The following SPMIP6 variants were observed in gnomAD, a reference collection of about 807,000 sequenced individuals.
SPMIP6 encodes ciliated bronchial epithelial protein 1.
the SPMIP6 span, chr9:34,389,870 G>A: frequency 6.6e-6 from 1 of 150,996 alleles, no homozygotes; most frequent in African/African-American, 2.4e-5. Flanking sequence ...AAATATTTGT[G>A]TTAAGAAATG....
At chr9:34,383,383 C>A in the SPMIP6 span, among the ~76,000 whole-genome samples, 1 of 152,152 alleles carries the variant, frequency 6.6e-6, no homozygotes, top group Non-Finnish European at 1.5e-5. Context: ...ATTAGTTGGG[C>A]ATGGTTGGTG....
the SPMIP6 span, among the ~76,000 whole-genome samples, chr9:34,382,233 G>T: frequency 6.6e-6 from 1 of 152,186 alleles, no homozygotes; most frequent in Non-Finnish European, 1.5e-5. Flanking sequence ...AATCCCCAGA[G>T]ATTGAGAGCC....
At chr9:34,381,663 G>A in the SPMIP6 span, 12 of 1,415,458 alleles carry the variant, frequency 8.5e-6, no homozygotes, top group Non-Finnish European at 1.0e-5. This position sits in a 1 kb window ranked among gnomAD's most constrained non-coding sequence, Gnocchi z 4.4. Flanking sequence ...GAAGGTGGAT[G>A]GGGTTTGGCT....
At chr9:34,384,090 A>T in the SPMIP6 span, among the ~76,000 whole-genome samples, 1 of 152,230 alleles carries the variant, frequency 6.6e-6, no homozygotes, top group African/African-American at 2.4e-5. Flanking sequence ...GCCCTAGCGA[A>T]GAGCAGCTGT....
At chr9:34,381,126 C>A in the SPMIP6 span, 2 of 1,586,936 alleles carry the variant, frequency 1.3e-6, no homozygotes, top group Non-Finnish European at 1.7e-6. The surrounding 1 kb of genome is among the most constrained non-coding windows in gnomAD (Gnocchi z 4.4). Flanking sequence ...ACCATCACTT[C>A]GCGCTCTGCT....
the SPMIP6 span, among the ~76,000 whole-genome samples, chr9:34,385,412 G>C: frequency 3.4e-4 from 52 of 151,884 alleles, no homozygotes; most frequent in Admixed American, 1.5e-3. Flanking sequence ...CATGCCTGTA[G>C]TCCCAGCTAC....
the SPMIP6 span, chr9:34,380,629 A>G: frequency 1.3e-6 from 2 of 1,512,516 alleles, no homozygotes; most frequent in East Asian, 2.5e-5. Flanking sequence ...CAGAGCATAT[A>G]GAGAGGCCAG....
the SPMIP6 span, among the ~76,000 whole-genome samples, chr9:34,380,171 G>A: frequency 6.6e-6 from 1 of 152,098 alleles, no homozygotes; most frequent in South Asian, 2.1e-4. Flanking sequence ...GAGAGGGGCG[G>A]GGGATCACTA....
the SPMIP6 span, chr9:34,380,606 C>T: frequency 2.1e-6 from 3 of 1,459,386 alleles, no homozygotes; most frequent in South Asian, 4.2e-5. Context: ...CAAAAACCCT[C>T]TGACGGGACC....
chr9:34,379,020 T>G, the SPMIP6 span: 1 of 1,038,138 alleles, frequency 9.6e-7, no homozygotes, highest in Non-Finnish European at 1.5e-6. This position sits in a 1 kb window ranked among gnomAD's most constrained non-coding sequence, Gnocchi z 4.2. Flanking sequence ...GAGGCAGGCT[T>G]TGGGGTTGAA....
the SPMIP6 span, among the ~76,000 whole-genome samples, chr9:34,388,427 C>G: frequency 2.6e-5 from 4 of 152,028 alleles, no homozygotes; most frequent in South Asian, 2.1e-4. Flanking sequence ...ACTGGGATTA[C>G]AGGCGTGAGC....
the SPMIP6 span, among the ~76,000 whole-genome samples, chr9:34,396,041 G>A: frequency 6.6e-6 from 1 of 152,026 alleles, no homozygotes; most frequent in Non-Finnish European, 1.5e-5. Flanking sequence ...GGGAATAATT[G>A]GAAATGTGTA....
chr9:34,386,583 G>A, the SPMIP6 span, among the ~76,000 whole-genome samples: 2 of 96,094 alleles, frequency 2.1e-5, no homozygotes, highest in Non-Finnish European at 4.3e-5. Flanking sequence ...GCAAGACTTC[G>A]TCTCAAAAAA....
At chr9:34,380,518 G>T in the SPMIP6 span, among the ~76,000 whole-genome samples, 1 of 152,176 alleles carries the variant, frequency 6.6e-6, no homozygotes, top group Non-Finnish European at 1.5e-5. Context: ...TGCGTCTCTA[G>T]GGCCAGGAGT....
chr9:34,393,663 A>G, the SPMIP6 span, among the ~76,000 whole-genome samples: 1 of 152,030 alleles, frequency 6.6e-6, no homozygotes, highest in South Asian at 2.1e-4. Flanking sequence ...TTTTTAAATA[A>G]TAACTGTTCT....
At chr9:34,397,677 G>A in the SPMIP6 span, 1 of 1,535,568 alleles carries the variant, frequency 6.5e-7, no homozygotes, top group Non-Finnish European at 8.7e-7. Flanking sequence ...CCTGTCAAGG[G>A]CTCCTGCTGG....
the SPMIP6 span, chr9:34,381,880 G>T: frequency 1.4e-6 from 1 of 695,744 alleles, no homozygotes; most frequent in Non-Finnish European, 1.8e-6. This position sits in a 1 kb window ranked among gnomAD's most constrained non-coding sequence, Gnocchi z 4.4. Context: ...CCATCAGCCT[G>T]CAGTTAAGAG....
chr9:34,397,756 A>C, the SPMIP6 span: 2 of 977,280 alleles, frequency 2.0e-6, no homozygotes, highest in Non-Finnish European at 1.5e-6. Flanking sequence ...AGCTGCTATA[A>C]TCCCCTCCTG....
chr9:34,382,597 A>AT, the SPMIP6 span: 1 of 623,416 alleles, frequency 1.6e-6, no homozygotes, highest in Admixed American at 2.8e-5. Context: ...AAAAAAAAAA[A>AT]ATACAAACTC....
Sources: gnomAD v4.1 joint callset for allele counts (sites outside exome capture counted in the v4.1 genomes callset) on GRCh38, gnomAD v4.1.1 for gene constraint, Gnocchi (gnomAD v3.1) non-coding constraint, MANE v1.5 for transcripts, NCBI Gene and HGNC (gene_info 2026-07-23, HGNC 2026-07-21) for gene names.